Variants in CNTNAP2 observed in about 807,000 individuals in gnomAD.
CNTNAP2 encodes contactin associated protein 2, also known as contactin-associated protein-like 2.
CNTNAP2 carries 98 observed loss-of-function variants against 155.2 expected under a neutral mutation model. That is an observed-to-expected ratio of 0.63 (90% confidence interval 0.54 to 0.75). The LOEUF (loss-of-function observed/expected upper bound fraction) is 0.75. Ranked by LOEUF, CNTNAP2 falls within the 30% of genes least tolerant of loss-of-function variation. The pLI is 0.00. For missense variants in CNTNAP2, 1,727 were observed against 1,688.1 expected, an observed-to-expected ratio of 1.02 and a Z score of -0.40; for synonymous variants, 651 against 631.2, an observed-to-expected ratio of 1.03 and a Z score of -0.47.
At chr7:146,224,252 C>G (rs1799254826) in intron 1 of CNTNAP2, among the ~76,000 whole-genome samples, 1 of 152,106 alleles carries the variant, frequency 6.6e-6, no homozygotes, top group African/African-American at 2.4e-5. Context: ...GGACCATGTG[C>G]TGGTCAGGAA....
chr7:147,382,644 G>C (rs1031406243), intron 9 of CNTNAP2, among the ~76,000 whole-genome samples: 2 of 152,026 alleles, frequency 1.3e-5, no homozygotes, highest in East Asian at 3.9e-4. Flanking sequence ...TATGATTAGA[G>C]ACATCCTCCC....
intron 4 of CNTNAP2, among the ~76,000 whole-genome samples, chr7:147,088,999 A>T (rs1277267614): frequency 6.7e-6 from 1 of 149,692 alleles, no homozygotes; most frequent in Non-Finnish European, 1.5e-5. Flanking sequence ...AGACAGAGAG[A>T]TAGAGAGAGA....
intron 1 of CNTNAP2, among the ~76,000 whole-genome samples, chr7:146,555,500 A>G (rs752504752): frequency 1.5e-5 from 1 of 68,588 alleles, no homozygotes; most frequent in Non-Finnish European, 3.3e-5. Flanking sequence ...CTGTCTGTCT[A>G]TCTATCTATC....
intron 3 of CNTNAP2, among the ~76,000 whole-genome samples, chr7:146,998,149 A>G (rs1269729705): frequency 6.6e-6 from 1 of 151,822 alleles, no homozygotes; most frequent in Non-Finnish European, 1.5e-5. Flanking sequence ...GATTTTTCAT[A>G]TACTCTGATG....
chr7:148,314,160 A>G (rs1040043517), intron 21 of CNTNAP2, among the ~76,000 whole-genome samples: 9 of 152,098 alleles, frequency 5.9e-5, no homozygotes, highest in African/African-American at 1.9e-4. Flanking sequence ...TAGAAAAGGA[A>G]GATTAGAAAG....
intron 11 of CNTNAP2, among the ~76,000 whole-genome samples, chr7:147,547,836 C>T (rs1799770689): frequency 6.6e-6 from 1 of 152,090 alleles, no homozygotes; most frequent in African/African-American, 2.4e-5. Context: ...TCAACTCTCA[C>T]TTATGAGTGA....
chr7:147,866,056 A>C (rs570523566), intron 13 of CNTNAP2, among the ~76,000 whole-genome samples: 1 of 152,158 alleles, frequency 6.6e-6, no homozygotes, highest in Non-Finnish European at 1.5e-5. Flanking sequence ...TCTTGTGGGC[A>C]TTTAGTGCTA....
intron 8 of CNTNAP2, among the ~76,000 whole-genome samples, chr7:147,157,903 A>G (rs34222835): frequency 0.088 from 13,314 of 152,114 alleles, 643 homozygotes; most frequent in Middle Eastern, 0.12. Flanking sequence ...TGATGTTTTT[A>G]TTATCAGTAA....
At chr7:147,863,679 A>G (rs1799173867) in intron 13 of CNTNAP2, among the ~76,000 whole-genome samples, 1 of 152,164 alleles carries the variant, frequency 6.6e-6, no homozygotes, top group African/African-American at 2.4e-5. Context: ...TCTGATGGTC[A>G]GTGATGATGA....
At chr7:147,508,938 C>T (rs575443675) in intron 11 of CNTNAP2, among the ~76,000 whole-genome samples, 12 of 152,080 alleles carry the variant, frequency 7.9e-5, no homozygotes, top group South Asian at 2.1e-4. Context: ...TGAAAATGGA[C>T]GAATACAAAA....
intron 1 of CNTNAP2, among the ~76,000 whole-genome samples, chr7:146,711,425 A>G (rs1274254614): frequency 1.4e-5 from 2 of 147,672 alleles, no homozygotes; most frequent in African/African-American, 2.5e-5. Flanking sequence ...AATATATAAT[A>G]TATACTATAT....
intron 8 of CNTNAP2, among the ~76,000 whole-genome samples, chr7:147,201,631 T>C (rs1054649793): frequency 1.3e-5 from 2 of 152,156 alleles, no homozygotes; most frequent in Non-Finnish European, 2.9e-5. Context: ...CTTGACATCC[T>C]CACCAGCACT....
chr7:147,903,786 T>C, intron 14 of CNTNAP2, 65 bp downstream of exon 14: 1 of 1,580,014 alleles, frequency 6.3e-7, no homozygotes, highest in Admixed American at 1.8e-5. Context: ...CAAACTCATG[T>C]GATAGAAGAA....
At chr7:148,374,372 A>G (rs898283815) in intron 21 of CNTNAP2, among the ~76,000 whole-genome samples, 1 of 152,204 alleles carries the variant, frequency 6.6e-6, no homozygotes, top group Non-Finnish European at 1.5e-5. Context: ...TTCCTAGCCT[A>G]CACTTTGTTA....
chr7:147,050,603 T>A (rs1016986494), intron 4 of CNTNAP2, among the ~76,000 whole-genome samples: 1 of 152,160 alleles, frequency 6.6e-6, no homozygotes, highest in Admixed American at 6.6e-5. Context: ...GCTGTGTTGA[T>A]GGCACGTCTG....
At chr7:147,523,047 G>C (rs1799257912) in intron 11 of CNTNAP2, among the ~76,000 whole-genome samples, 1 of 152,180 alleles carries the variant, frequency 6.6e-6, no homozygotes, top group South Asian at 2.1e-4. Flanking sequence ...CAAGATTTCA[G>C]GCACAGCTTA....
intron 11 of CNTNAP2, chr7:147,496,658 G>A (rs1205399512): frequency 6.6e-6 from 1 of 152,102 alleles, no homozygotes; most frequent in African/African-American, 2.4e-5. Context: ...TCAAATTTAT[G>A]TCTTCTGAAA....
chr7:147,045,626 C>G (rs1219728843), intron 4 of CNTNAP2, among the ~76,000 whole-genome samples: 1 of 152,094 alleles, frequency 6.6e-6, no homozygotes, highest in Non-Finnish European at 1.5e-5. Context: ...AAAAAGAGGT[C>G]TAACATAAAT....
intron 8 of CNTNAP2, among the ~76,000 whole-genome samples, chr7:147,192,298 T>C (rs1322325467): frequency 6.7e-6 from 1 of 149,152 alleles, no homozygotes; most frequent in Non-Finnish European, 1.5e-5. Flanking sequence ...CAGCCTCCCA[T>C]GAAGAAGTGA....
Sources: allele counts gnomAD v4.1 joint callset (sites outside exome capture counted in the v4.1 genomes callset), GRCh38; gene constraint gnomAD v4.1.1; transcripts MANE v1.5; gene names NCBI Gene and HGNC (gene_info 2026-07-23, HGNC 2026-07-21).